The following PCDH18 variants were observed in gnomAD, a reference collection of about 807,000 sequenced individuals.
The protein encoded by PCDH18 is protocadherin-18.
A neutral mutation model predicts 71.5 loss-of-function variants in PCDH18; 38 were observed. That is an observed-to-expected ratio of 0.53 (90% CI 0.41 to 0.70). PCDH18 has a LOEUF of 0.70. PCDH18 is among the 30% of genes least tolerant of loss of function. The probability of loss-of-function intolerance (pLI) is 0.00; values close to 1 mark genes in which losing one functional copy is unlikely to be tolerated. For synonymous variants in PCDH18, 565 were observed against 505.4 expected (o/e 1.12, Z -1.58); for missense variants, 1,334 against 1,384.6 (o/e 0.96, Z 0.58).
Position 137,531,967 on chromosome 4 carries a change from C to T in PCDH18, c.122G>A (p.Gly41Glu). 6.2e-7 allele frequency: 1 copy of T among 1,614,008 alleles called. No homozygotes were observed. The highest frequency in any genetic ancestry group is 8.5e-7 in the Non-Finnish European group (1 of 1,179,916). Reference sequence around the variant, plus strand: ...CTCTGATAGTCTTGCAATTACTGATCCAACCCTCTGTTCCTCATAAATCCT... The same window carrying T: ...CTCTGATAGTCTTGCAATTACTGATTCAACCCTCTGTTCCTCATAAATCCT... The part of the protein sequence containing the change: ...KYRIYEEQRV[G>E]SVIARLSEDV... Residue 41 changes from glycine to glutamate, a missense_variant, in exon 1 of 4, where the codon GGA becomes GAA. Physicochemically the swap from Gly to Glu is moderately conservative, Grantham distance 98 (BLOSUM62 -2). Around this residue, in one of 3 missense-constraint regions of PCDH18, gnomAD observed 1,011 missense variants for 1,048.0 expected, o/e 0.96. Coordinates refer to ENST00000344876, the MANE Select transcript of PCDH18 (RefSeq NM_019035.5).
rs1374454513 is a variant in PCDH18, at chr4:137,530,186, A to G, written c.1903T>C (p.Ser635Pro). The stretch of plus-strand genomic sequence containing the variant: ...CTAACGTTGGTATGGATGTCACATG[A>G]TCGTGGATCAATTATGAAGATATTC... ...EENIFIIDPR[S>P]CDIHTNVSMD... Residue 635 changes from serine to proline, a missense_variant, in exon 1 of 4, where the codon TCA (serine) becomes CCA (proline). Ser to Pro is a moderately conservative substitution (Grantham distance 74). Around this residue, in one of 3 missense-constraint regions of PCDH18, gnomAD observed 1,011 missense variants for 1,048.0 expected, o/e 0.96. Transcript: ENST00000344876. The G allele has an allele frequency of 1.4e-5, 22 of 1,611,722 alleles. No homozygotes were observed. Among genetic ancestry groups the G allele is most frequent in the Non-Finnish European group, 1.7e-5 (20 of 1,178,160 alleles).
In PCDH18 at chr4:137,531,245, C is replaced by T; in HGVS notation, c.844G>A (p.Val282Ile). The T allele has an allele frequency of 6.2e-7, 1 of 1,613,532 alleles. No individual in the cohort carries two copies. Among genetic ancestry groups the T allele is most frequent in the Non-Finnish European group, 8.5e-7 (1 of 1,179,724 alleles). Reference sequence around the variant, plus strand: ...GACACATGACTGCTGAAGGAATATACAATTTTCCCATTAGCGCCCTCATCT... The same window carrying T: ...GACACATGACTGCTGAAGGAATATATAATTTTCCCATTAGCGCCCTCATCT... ...DPDEGANGKI[V>I]YSFSSHVSPK... The change falls in exon 1 of 4, where the codon GTA (valine) becomes ATA (isoleucine). Residue 282 changes from valine to isoleucine, a missense_variant. Coordinates refer to ENST00000344876, the MANE Select transcript of PCDH18 (RefSeq NM_019035.5).
At position 137,529,520 on chromosome 4, in the gene PCDH18, A is replaced by G; in HGVS notation, c.2487+82T>C. On this transcript the variant is annotated intron_variant, in intron 1 of 3. Transcript: ENST00000344876. Reference sequence around the variant, plus strand: ...GTATTAGTATTGTTACTTATTAATGAAAACATTTAAGAACTAGTAAACACA... The same window carrying G: ...GTATTAGTATTGTTACTTATTAATGGAAACATTTAAGAACTAGTAAACACA... 2 of 938,774 alleles carry G rather than the reference A, an allele frequency of 2.1e-6. 1 individual carries two copies. The highest frequency in any genetic ancestry group is 3.2e-6 in the Non-Finnish European group (2 of 619,178). 58.2% of individuals were successfully genotyped at this position (938,774 alleles called of 1,614,324 possible). A position where few individuals can be genotyped will look rare whatever the true frequency, so the allele number is the denominator to read the frequency against.
intron 3 of PCDH18, among the ~76,000 whole-genome samples, chr4:137,526,890 C>G (rs1468394775): frequency 1.3e-5 from 2 of 151,118 alleles, no homozygotes; most frequent in Non-Finnish European, 2.9e-5. Context: ...AAATCTCACT[C>G]TCCCATGTAC....
intron 3 of PCDH18, among the ~76,000 whole-genome samples, 178 bp from the exon 4 acceptor site, chr4:137,521,874 T>C (rs897394831): frequency 1.3e-5 from 2 of 152,214 alleles, no homozygotes; most frequent in Admixed American, 1.3e-4. Context: ...TGAACACTGG[T>C]TTTATAGACC....
At position 137,519,650 on chromosome 4, in the gene PCDH18, C is replaced by A. The variant is rs1044785119; in HGVS notation, c.*1379G>T. The A allele has an allele frequency of 3.9e-5, 6 of 152,136 alleles. No homozygotes were observed. The highest frequency in any genetic ancestry group is 1.4e-4 in the African/African-American group (6 of 41,426). The allele number at this position is 152,136 out of a possible 1,614,324, so 9.4% of individuals were successfully genotyped here. A position where few individuals can be genotyped will look rare whatever the true frequency, so the allele number is the denominator to read the frequency against. ...CAGGAAGGGCCTGCTGCATGCCAAG[C>A]TTTTGAACAAATATGTAGGAACAGG... On this transcript the variant is annotated 3_prime_UTR_variant, in exon 4 of 4. Transcript: ENST00000344876.
intron 2 of PCDH18, 33 bp from the exon 3 acceptor site, chr4:137,528,674 T>C: frequency 1.2e-6 from 2 of 1,610,350 alleles, no homozygotes; most frequent in African/African-American, 1.3e-5. Context: ...AAAATTACAG[T>C]TTTTACTCTT....
intron 1 of PCDH18, 29 bp from the exon 2 acceptor site, chr4:137,528,849 C>A: frequency 6.7e-7 from 1 of 1,485,930 alleles, no homozygotes; most frequent in Non-Finnish European, 9.4e-7. Context: ...GAACTGATTC[C>A]CGGAAACAAG....
rs746971418 is a variant in PCDH18 at position 137,529,891 on chromosome 4, G to T, written c.2198C>A (p.Ser733Tyr). 2.4e-5 allele frequency: 38 copies of T among 1,613,850 alleles called. No homozygotes were observed. Among genetic ancestry groups the T allele is most frequent in the Non-Finnish European group, 2.9e-5 (34 of 1,179,976 alleles). ...TGATTCGGCCACCCTGCAGTTATAG[G>T]ATCTAGTGTCTTTCTTCTCGCGGTT... ...RCNREKKDTR[S>Y]YNCRVAESTY... Residue 733 changes from serine to tyrosine, a missense_variant, in exon 1 of 4, where the codon TCC (serine) becomes TAC (tyrosine). By Grantham distance (144) the Ser-to-Tyr change is moderately radical. Around this residue, in one of 3 missense-constraint regions of PCDH18, gnomAD observed 1,011 missense variants for 1,048.0 expected, o/e 0.96. Transcript: ENST00000344876.
In PCDH18 at chr4:137,521,533, C is replaced by T; in HGVS notation, c.2904G>A (p.Glu968=). 1 of 1,614,106 alleles carries T rather than the reference C, an allele frequency of 6.2e-7. No homozygotes were observed. The highest frequency in any genetic ancestry group is 1.1e-5 in the South Asian group (1 of 91,084). ...PQQQHPHQSL[E]DDAQPADSGE... is the part of the protein sequence containing the mutation. ...CGGAATCTGCAGGCTGAGCGTCATCCTCAAGACTCTGATGTGGATGCTGCT... is the reference window on the plus strand; with the variant it reads ...CGGAATCTGCAGGCTGAGCGTCATCTTCAAGACTCTGATGTGGATGCTGCT... The change falls in exon 4 of 4, where the codon GAG becomes GAA. Residue 968 remains glutamate, a synonymous_variant. Transcript: ENST00000344876.
chr4:137,530,193 A>G lies in PCDH18; in HGVS notation c.1896T>C (p.Asp632=). 1 of 1,613,714 alleles carries G rather than the reference A, an allele frequency of 6.2e-7. No individual in the cohort carries two copies. The highest frequency in any genetic ancestry group is 1.1e-5 in the South Asian group (1 of 91,018). Residue 632 remains aspartate, a synonymous_variant, in exon 1 of 4, where the codon GAT becomes GAC. Transcript: ENST00000344876. ...AGNEENIFII[D]PRSCDIHTNV... The stretch of plus-strand genomic sequence containing the variant: ...TGGTATGGATGTCACATGATCGTGG[A>G]TCAATTATGAAGATATTCTCCTCAT...
chr4:137,520,833 T>A lies in PCDH18; in HGVS notation c.*196A>T. 2.1e-6 allele frequency: 1 copy of A among 480,510 alleles called. No homozygotes were observed. The highest frequency in any genetic ancestry group is 3.6e-6 in the Non-Finnish European group (1 of 274,258). 29.8% of individuals were successfully genotyped at this position (480,510 alleles called of 1,614,324 possible). Reference sequence around the variant, plus strand: ...CACATAAATATAAGGTACAAATGTATTTTTAAAATACAGATTAAAATAATC... The same window carrying A: ...CACATAAATATAAGGTACAAATGTAATTTTAAAATACAGATTAAAATAATC... On this transcript the variant is annotated 3_prime_UTR_variant, in exon 4 of 4. Coordinates refer to ENST00000344876, the MANE Select transcript of PCDH18 (RefSeq NM_019035.5).
rs773796302 is a variant in PCDH18, at chr4:137,521,017, C to T, written c.*12G>A. 15 of 1,542,040 alleles carry T rather than the reference C, an allele frequency of 9.7e-6. No individual in the cohort carries two copies. The highest frequency in any genetic ancestry group is 9.6e-5 in the African/African-American group (7 of 72,566). On this transcript the variant is annotated 3_prime_UTR_variant, in exon 4 of 4. Coordinates refer to ENST00000344876, the MANE Select transcript of PCDH18 (RefSeq NM_019035.5). Reference sequence around the variant, plus strand: ...CATATACATGGAAACAAAAATGCTTCGCTAAAATCTCCTAGCTCTGGCGGA... The same window carrying T: ...CATATACATGGAAACAAAAATGCTTTGCTAAAATCTCCTAGCTCTGGCGGA...
In PCDH18 at chr4:137,530,038, G is replaced by C. The variant is rs775479723; in HGVS notation, c.2051C>G (p.Thr684Arg). The change falls in exon 1 of 4, where the codon ACA (threonine) becomes AGA (arginine). Residue 684 changes from threonine to arginine, a missense_variant. Physicochemically the swap from Thr to Arg is moderately conservative, Grantham distance 71. Around this residue, in one of 3 missense-constraint regions of PCDH18, gnomAD observed 1,011 missense variants for 1,048.0 expected, o/e 0.96. Coordinates refer to ENST00000344876, the MANE Select transcript of PCDH18 (RefSeq NM_019035.5). The part of the protein sequence containing the change: ...CMIFEYAESV[T>R]STAMTSVSQA... ...GCTTACTGAAGTCATTGCTGTACTT[G>C]TCACCGACTCTGCATATTCAAAGAT... 1 of 1,614,000 alleles carries C rather than the reference G, an allele frequency of 6.2e-7. No homozygotes were observed. Among genetic ancestry groups the C allele is most frequent in the Non-Finnish European group, 8.5e-7 (1 of 1,179,974 alleles).
rs565739132 is a variant in PCDH18 at position 137,526,824 on chromosome 4, A to T, written c.2740+1654T>A. On this transcript the variant is annotated intron_variant, in intron 3 of 3. Coordinates refer to ENST00000344876, the MANE Select transcript of PCDH18 (RefSeq NM_019035.5). Reference sequence around the variant, plus strand: ...TAAAAACAATTACTACCACAACAAAAACCTGTTACTTCACATACTTGATAG... The same window carrying T: ...TAAAAACAATTACTACCACAACAAATACCTGTTACTTCACATACTTGATAG... Among the ~76,000 whole-genome samples, 20 of 152,022 alleles carry T rather than the reference A, an allele frequency of 1.3e-4. No homozygotes were observed. In the South Asian group the frequency reaches 4.2e-3, roughly 32 times the overall value.
In PCDH18 at chr4:137,531,033, A is replaced by C; in HGVS notation, c.1056T>G (p.Pro352=). The stretch of plus-strand genomic sequence containing the variant: ...GGGACATGAGGTTGATGTTAATTTC[A>C]GGTTTATTGTCATTAACATCCACAA... ...IKVVDVNDNK[P]EININLMSPG... The change falls in exon 1 of 4, where the codon CCT becomes CCG. Residue 352 remains proline, a synonymous_variant. Transcript: ENST00000344876. 1.2e-6 allele frequency: 2 copies of C among 1,608,638 alleles called. No homozygotes were observed. Among genetic ancestry groups the C allele is most frequent in the East Asian group, 4.5e-5 (2 of 44,776 alleles).
At chr4:137,522,322 A>G (rs1731325111) in intron 3 of PCDH18, among the ~76,000 whole-genome samples, 1 of 152,200 alleles carries the variant, frequency 6.6e-6, no homozygotes, top group Non-Finnish European at 1.5e-5. Flanking sequence ...AAATATATTT[A>G]TATTCAAATA....
At chr4:137,528,994 A>G in intron 1 of PCDH18, 174 bp from the exon 2 acceptor site, 2 of 597,902 alleles carry the variant, frequency 3.3e-6, no homozygotes, top group Non-Finnish European at 3.0e-6. Context: ...GCTACCAACT[A>G]TAACTAAAAT....
intron 3 of PCDH18, among the ~76,000 whole-genome samples, chr4:137,526,958 T>TAAA (rs750084137): frequency 3.9e-5 from 5 of 127,732 alleles, no homozygotes; most frequent in Admixed American, 8.1e-5. Context: ...TTCCAAATCT[T>TAAA]AAAAAAAAAA....
Sources: allele counts gnomAD v4.1 joint callset (sites outside exome capture counted in the v4.1 genomes callset), GRCh38; gene constraint gnomAD v4.1.1; regional missense constraint gnomAD v4.1.1; transcripts MANE v1.5; gene names NCBI Gene and HGNC (gene_info 2026-07-23, HGNC 2026-07-21).